The following MAP2K1 variants were observed in gnomAD, a reference collection of about 807,000 sequenced individuals.
MAP2K1 encodes mitogen-activated protein kinase kinase 1.
Under a neutral mutation model 46.3 loss-of-function variants are expected in MAP2K1, and 16 were observed. The observed-to-expected ratio is 0.35, with a 90% CI of 0.23 to 0.52. The LOEUF is 0.52. Ranked by LOEUF, MAP2K1 falls within the 20% of genes least tolerant of loss-of-function variation. MAP2K1 has a pLI of 0.94. For synonymous variants in MAP2K1, 183 were observed against 185.6 expected (o/e 0.99, Z 0.11); for missense variants, 263 against 497.1 (o/e 0.53, Z 4.48).
intron 1 of MAP2K1, among the ~76,000 whole-genome samples, chr15:66,400,622 T>G (rs1231979042): frequency 6.6e-6 from 1 of 152,208 alleles, no homozygotes. Flanking sequence ...TGTGCCCTTG[T>G]TGCTCAGAAT....
intron 1 of MAP2K1, among the ~76,000 whole-genome samples, chr15:66,388,582 C>T (rs1566992311): frequency 6.6e-6 from 1 of 152,096 alleles, no homozygotes; most frequent in Non-Finnish European, 1.5e-5. Context: ...TGGGGTCTTG[C>T]TATATTGCTT....
chr15:66,462,145 G>T (rs1892338682), intron 5 of MAP2K1, among the ~76,000 whole-genome samples: 6 of 152,060 alleles, frequency 3.9e-5, no homozygotes, highest in Admixed American at 3.9e-4. Flanking sequence ...ATGAGGTCTG[G>T]GATTTGCCTT....
At chr15:66,483,907 C>A (rs1321895037) in intron 6 of MAP2K1, among the ~76,000 whole-genome samples, 1 of 151,594 alleles carries the variant, frequency 6.6e-6, no homozygotes, top group Non-Finnish European at 1.5e-5. Flanking sequence ...GCCACCACGC[C>A]CGGCTAATTT....
At chr15:66,478,101 G>C (rs1892801159) in intron 5 of MAP2K1, among the ~76,000 whole-genome samples, 1 of 151,728 alleles carries the variant, frequency 6.6e-6, no homozygotes, top group Non-Finnish European at 1.5e-5. Context: ...ATCTCCCCAT[G>C]GTTCTCTGAG....
At position 66,481,735 on chromosome 15, in the gene MAP2K1, C is replaced by T. The variant is rs2140667133; in HGVS notation, c.569-20C>T. On this transcript the variant is annotated intron_variant, in intron 5 of 10. Coordinates refer to ENST00000307102, the MANE Select transcript of MAP2K1 (RefSeq NM_002755.4). ...CTACCTGTGTCAGTTCCCTCCTTTT[C>T]TATTTTCTCTTCCCTGCAGATGTCA... is the stretch of plus-strand genomic sequence containing the variant. 6.2e-7 allele frequency: 1 copy of T among 1,610,984 alleles called. No homozygotes were observed. The highest frequency in any genetic ancestry group is 1.1e-5 in the South Asian group (1 of 90,990).
intron 3 of MAP2K1, among the ~76,000 whole-genome samples, chr15:66,439,551 G>A (rs1595863304): frequency 1.3e-5 from 2 of 152,310 alleles, no homozygotes; most frequent in South Asian, 4.1e-4. Flanking sequence ...CAGATCACCT[G>A]AGGTCAGGAG....
At chr15:66,398,864 C>G (rs2093374718) in intron 1 of MAP2K1, among the ~76,000 whole-genome samples, 1 of 151,564 alleles carries the variant, frequency 6.6e-6, no homozygotes, top group African/African-American at 2.4e-5. Flanking sequence ...ACCTCCGTCT[C>G]CCGGGTTCAA....
chr15:66,474,691 C>T (rs371864470), intron 5 of MAP2K1, among the ~76,000 whole-genome samples: 2 of 152,094 alleles, frequency 1.3e-5, no homozygotes, highest in South Asian at 2.1e-4. Context: ...TTGGCCCTAT[C>T]GTTAACTCCC....
At chr15:66,435,004 T>C (rs1448830692) in intron 1 of MAP2K1, 23 bp from the exon 2 acceptor site, 3 of 1,510,084 alleles carry the variant, frequency 2.0e-6, no homozygotes, top group Non-Finnish European at 2.8e-6. Context: ...CAGTATTGAC[T>C]TGTGCTCCCC....
Position 66,387,229 on chromosome 15 carries a change from A to G in MAP2K1, c.-119A>G. Reference sequence around the variant, plus strand: ...CGCGCGGGGCGCACCCGCTGAAGGCAGCCCCGGGGCCCGCGGCCCGGACTT... The same window carrying G: ...CGCGCGGGGCGCACCCGCTGAAGGCGGCCCCGGGGCCCGCGGCCCGGACTT... On this transcript the variant is annotated 5_prime_UTR_variant, in exon 1 of 11. Coordinates refer to ENST00000307102, the MANE Select transcript of MAP2K1 (RefSeq NM_002755.4). 18 of 779,036 alleles carry G rather than the reference A, an allele frequency of 2.3e-5. No homozygotes were observed. Among genetic ancestry groups the G allele is most frequent in the Non-Finnish European group, 3.6e-5 (18 of 501,128 alleles). 48.3% of individuals were successfully genotyped at this position (779,036 alleles called of 1,614,324 possible). A position where few individuals can be genotyped will look rare whatever the true frequency, so the allele number is the denominator to read the frequency against.
intron 7 of MAP2K1, among the ~76,000 whole-genome samples, chr15:66,486,407 C>A (rs1433358760): frequency 6.6e-6 from 1 of 152,150 alleles, no homozygotes; most frequent in East Asian, 1.9e-4. Flanking sequence ...GATCCACTGA[C>A]AACCACTAAT....
At chr15:66,486,244 T>C (rs1045404030) in intron 7 of MAP2K1, among the ~76,000 whole-genome samples, 3 of 152,216 alleles carry the variant, frequency 2.0e-5, no homozygotes, top group Non-Finnish European at 4.4e-5. Flanking sequence ...TATTGAGATA[T>C]AGAATTCACA....
chr15:66,446,242 C>T (rs1891864100), intron 5 of MAP2K1, among the ~76,000 whole-genome samples: 1 of 151,486 alleles, frequency 6.6e-6, no homozygotes, highest in Non-Finnish European at 1.5e-5. Flanking sequence ...AAACAAAAAA[C>T]ATTCTGGCTA....
At chr15:66,431,210 CCT>C (rs770950035) in intron 1 of MAP2K1, among the ~76,000 whole-genome samples, 7 of 152,092 alleles carry the variant, frequency 4.6e-5, no homozygotes, top group Non-Finnish European at 8.8e-5. Context: ...AGGTTCATGC[CCT>C]CTGAGTTTTA....
intron 1 of MAP2K1, among the ~76,000 whole-genome samples, chr15:66,405,961 A>G (rs1431510946): frequency 2.0e-5 from 3 of 152,228 alleles, no homozygotes; most frequent in African/African-American, 7.2e-5. Context: ...AGAGGGATGT[A>G]TACTTTGAAT....
chr15:66,392,531 T>G (rs1821774529), intron 1 of MAP2K1, among the ~76,000 whole-genome samples: 1 of 150,916 alleles, frequency 6.6e-6, no homozygotes, highest in South Asian at 2.1e-4. Flanking sequence ...TATATCAGTT[T>G]CTTCTTTGTT....
At chr15:66,443,070 T>C (rs1194770148) in intron 3 of MAP2K1, among the ~76,000 whole-genome samples, 1 of 147,910 alleles carries the variant, frequency 6.8e-6, no homozygotes, top group Non-Finnish European at 1.5e-5. Flanking sequence ...TCTGGGGTTT[T>C]TTTGTGTGTG....
chr15:66,437,015 T>A, intron 3 of MAP2K1, 123 bp downstream of exon 3: 1 of 1,003,266 alleles, frequency 1.0e-6, no homozygotes, highest in Non-Finnish European at 1.6e-6. Flanking sequence ...CATCACTATC[T>A]GGGGCATCTG....
chr15:66,444,371 T>C (rs764775688), intron 4 of MAP2K1, among the ~76,000 whole-genome samples: 3 of 151,326 alleles, frequency 2.0e-5, no homozygotes, highest in African/African-American at 7.3e-5. Flanking sequence ...CCATCTCTAC[T>C]AAAAATACAA....
Sources: allele counts gnomAD v4.1 joint callset (sites outside exome capture counted in the v4.1 genomes callset), GRCh38; gene constraint gnomAD v4.1.1; transcripts MANE v1.5; gene names NCBI Gene and HGNC (gene_info 2026-07-23, HGNC 2026-07-21).